The following MUC12 variants were observed in gnomAD, a reference collection of about 807,000 sequenced individuals.
The protein encoded by MUC12 is mucin 12, cell surface associated, also known as mucin-12.
Under a neutral mutation model 230.8 loss-of-function variants are expected in MUC12, and 172 were observed. That is an observed-to-expected ratio of 0.75 (90% CI 0.66 to 0.85). The LOEUF is 0.85. Ranked by LOEUF, MUC12 falls within the 40% of genes least tolerant of loss-of-function variation. MUC12 has a pLI of 0.00. For missense variants in MUC12, 3,506 were observed against 5,920.6 expected (o/e 0.59, Z 13.38); for synonymous variants, 1,259 against 2,401.9 (o/e 0.52, Z 13.91).
chr7:100,970,959 T>C (rs980515799), intron 1 of MUC12, among the ~76,000 whole-genome samples: 2 of 151,046 alleles, frequency 1.3e-5, no homozygotes, highest in African/African-American at 2.4e-5. Context: ...ATCGCGCCAC[T>C]GCACTCCAAC....
intron 11 of MUC12, 91 bp from the exon 12 acceptor site, chr7:101,018,504 C>G: frequency 8.3e-7 from 1 of 1,208,728 alleles, no homozygotes; most frequent in Non-Finnish European, 1.1e-6. Flanking sequence ...CCTGGGGTTC[C>G]CTCCTCCCCG....
At chr7:100,987,742 G>A (rs1210841128) in intron 1 of MUC12, among the ~76,000 whole-genome samples, 2 of 152,080 alleles carry the variant, frequency 1.3e-5, no homozygotes, top group South Asian at 2.1e-4. Flanking sequence ...GGAGGCCGAG[G>A]TGAGCAGGTC....
rs1793457469 is a variant in MUC12, at chr7:100,995,566, G to T, written c.5003G>T (p.Gly1668Val). The T allele has an allele frequency of 1.3e-6, 2 of 1,536,266 alleles. No homozygotes were observed. Among genetic ancestry groups the T allele is most frequent in the South Asian group, 1.2e-5 (1 of 84,016 alleles). ...TCTACGCCCGTCCACAGCAGCACTG[G>T]ATCGCCACACACAACACTGTCCCCT... is the stretch of plus-strand genomic sequence containing the variant. ...EASTPVHSSTGSPHTTLSPAG... is the reference protein window; with the variant it reads ...EASTPVHSSTVSPHTTLSPAG... The change falls in exon 2 of 12, where the codon GGA becomes GTA. Residue 1668 changes from glycine (G) to valine (V), a missense_variant. Coordinates refer to ENST00000536621, the MANE Select transcript of MUC12 (RefSeq NM_001164462.2).
At position 100,991,888 on chromosome 7, in the gene MUC12, G is replaced by T; in HGVS notation, c.1325G>T (p.Ser442Ile). Reference sequence around the variant, plus strand: ...AGTGAGGAATCAAAAGCATCCCACAGCAGCCCAGATGCAATGGCAACAACA... The same window carrying T: ...AGTGAGGAATCAAAAGCATCCCACATCAGCCCAGATGCAATGGCAACAACA... ...GRSEESKASH[S>I]SPDAMATTVL... Residue 442 changes from serine (S) to isoleucine (I), a missense_variant, in exon 2 of 12, where the codon AGC becomes ATC. Transcript: ENST00000536621. The T allele has an allele frequency of 6.5e-7, 1 of 1,537,994 alleles. No individual in the cohort carries two copies. The highest frequency in any genetic ancestry group is 1.4e-5 in the African/African-American group (1 of 73,170).
In MUC12 at chr7:100,990,758, A is replaced by G; in HGVS notation, c.195A>G (p.Thr65=). 1 of 1,537,896 alleles carries G rather than the reference A, an allele frequency of 6.5e-7. No individual in the cohort carries two copies. The highest frequency in any genetic ancestry group is 8.7e-7 in the Non-Finnish European group (1 of 1,147,054). The change falls in exon 2 of 12, where the codon ACA becomes ACG. Residue 65 remains threonine, a synonymous_variant. Transcript: ENST00000536621. ...CATTTATCACGGGCTCAACTGCAAC[A>G]AAACACTTCCTTGACAGCTCCACAA... ...SVTFITGSTA[T]KHFLDSSTNS...
At chr7:101,010,471 G>A (rs1001870192) in intron 5 of MUC12, among the ~76,000 whole-genome samples, 2 of 152,052 alleles carry the variant, frequency 1.3e-5, no homozygotes, top group African/African-American at 4.8e-5. Context: ...CGAGTAGCTG[G>A]GACTACAGGC....
chr7:100,982,927 A>C (rs1296694664), intron 1 of MUC12, among the ~76,000 whole-genome samples: 1 of 150,978 alleles, frequency 6.6e-6, no homozygotes, highest in Non-Finnish European at 1.5e-5. Flanking sequence ...TAAAGACAGG[A>C]TCTTGATATG....
rs1180368093 is a variant in MUC12 at position 100,969,577 on chromosome 7, C to T, written c.-46C>T. The T allele has an allele frequency of 3.9e-6, 6 of 1,537,332 alleles. No individual in the cohort carries two copies. The highest frequency in any genetic ancestry group is 3.6e-5 in the South Asian group (3 of 84,062). The stretch of plus-strand genomic sequence containing the variant: ...CTGGGAGGCCTTCATTTCTTGGTCC[C>T]TCCTGATGAGAGAAGATGGGCAGCC... On this transcript the variant is annotated 5_prime_UTR_variant, in exon 1 of 12. Transcript: ENST00000536621.
In MUC12 at chr7:101,004,965, C is replaced by G. The variant is rs982931089; in HGVS notation, c.14402C>G (p.Pro4801Arg). 12 of 1,537,676 alleles carry G rather than the reference C, an allele frequency of 7.8e-6. No homozygotes were observed. In the African/African-American group the frequency reaches 1.4e-4, roughly 18 times the overall value. The change falls in exon 2 of 12, where the codon CCA (proline) becomes CGA (arginine). Residue 4801 changes from proline to arginine, a missense_variant. By Grantham distance (103) the Pro-to-Arg change is moderately radical. Coordinates refer to ENST00000536621, the MANE Select transcript of MUC12 (RefSeq NM_001164462.2). The part of the protein sequence containing the change: ...SQESTTFHSK[P>R]GSTETTLSPG... ...GAATCAACAACTTTCCACAGTAAGC[C>G]AGGCTCAACTGAGACAACACTGTCC... is the stretch of plus-strand genomic sequence containing the variant.
At chr7:100,983,903 G>C (rs1283650085) in intron 1 of MUC12, among the ~76,000 whole-genome samples, 1 of 152,066 alleles carries the variant, frequency 6.6e-6, no homozygotes, top group Non-Finnish European at 1.5e-5. Flanking sequence ...AAAGAAGAAG[G>C]AAAAAATGAC....
At chr7:101,009,675 GA>G (rs1046857752) in intron 5 of MUC12, among the ~76,000 whole-genome samples, 1 of 150,764 alleles carries the variant, frequency 6.6e-6, no homozygotes, top group Non-Finnish European at 1.5e-5. Flanking sequence ...TCTACAAAAA[GA>G]AAAAAAAATG....
Position 101,018,590 on chromosome 7 carries a change from C to T in MUC12, c.15967-5C>T, listed in dbSNP as rs1454176679. ...TGGCCTCACCTCTTCTCTCCCGTCCCCCAGCTCCACATCCAGAGGCCGGAG... is the reference window on the plus strand; with the variant it reads ...TGGCCTCACCTCTTCTCTCCCGTCCTCCAGCTCCACATCCAGAGGCCGGAG... On this transcript the variant is annotated splice_region_variant and splice_polypyrimidine_tract_variant and intron_variant, in intron 11 of 11. Transcript: ENST00000536621. The T allele has an allele frequency of 2.0e-6, 3 of 1,536,178 alleles. No homozygotes were observed. The highest frequency in any genetic ancestry group is 2.6e-6 in the Non-Finnish European group (3 of 1,146,318).
chr7:100,990,075 C>T (rs1031057846), intron 1 of MUC12, among the ~76,000 whole-genome samples: 7 of 152,202 alleles, frequency 4.6e-5, no homozygotes, highest in African/African-American at 1.2e-4. Context: ...TGGTTATATT[C>T]CACAGAAGGC....
intron 4 of MUC12, 137 bp from the exon 5 acceptor site, chr7:101,008,958 C>A: frequency 8.0e-7 from 1 of 1,248,606 alleles, no homozygotes; most frequent in Non-Finnish European, 1.1e-6. Flanking sequence ...GCAGAGGGAG[C>A]TTCCTGGGTT....
Position 101,003,708 on chromosome 7 carries a change from C to T in MUC12, c.13145C>T (p.Thr4382Ile). ...ACATTGGGCCGTAGTGAGGAATCGACAACAGTCCACAGCAGCCCAGTTGCA... is the reference window on the plus strand; with the variant it reads ...ACATTGGGCCGTAGTGAGGAATCGATAACAGTCCACAGCAGCCCAGTTGCA... ...STTLGRSEES[T>I]TVHSSPVATA... The change falls in exon 2 of 12, where the codon ACA (threonine) becomes ATA (isoleucine). Residue 4382 changes from threonine to isoleucine, a missense_variant. By Grantham distance (89) the Thr-to-Ile change is moderately conservative. Transcript: ENST00000536621. The T allele has an allele frequency of 1.4e-6, 2 of 1,449,318 alleles. No homozygotes were observed. The highest frequency in any genetic ancestry group is 1.8e-6 in the Non-Finnish European group (2 of 1,101,298). 89.8% of individuals were successfully genotyped at this position (1,449,318 alleles called of 1,614,324 possible). A position where few individuals can be genotyped will look rare whatever the true frequency, so the allele number is the denominator to read the frequency against.
At chr7:100,973,186 A>C (rs1305991988) in intron 1 of MUC12, 14 of 606,110 alleles carry the variant, frequency 2.3e-5, no homozygotes, top group South Asian at 1.8e-4. Context: ...ACCCAAAGCT[A>C]TCCTGGGAGG....
intron 8 of MUC12, 32 bp from the exon 9 acceptor site, chr7:101,013,881 G>A: frequency 6.6e-7 from 1 of 1,515,710 alleles, no homozygotes; most frequent in Non-Finnish European, 8.8e-7. Flanking sequence ...AGGGATCCCA[G>A]GGGATCAGCG....
intron 1 of MUC12, among the ~76,000 whole-genome samples, chr7:100,984,177 G>A (rs1050398819): frequency 7.2e-5 from 11 of 151,952 alleles, no homozygotes; most frequent in Admixed American, 2.0e-4. Flanking sequence ...AGTTTGTTAC[G>A]TATAGTATTA....
In MUC12 at chr7:101,012,393, G is replaced by T. The variant is rs1793851589; in HGVS notation, c.15349G>T (p.Ala5117Ser). 2.0e-6 allele frequency: 3 copies of T among 1,537,768 alleles called. No homozygotes were observed. Among genetic ancestry groups the T allele is most frequent in the Non-Finnish European group, 2.6e-6 (3 of 1,147,036 alleles). ...LFENLAEIVK[A>S]KIMNETRTTL... ...TGAAAACCTGGCAGAGATTGTAAAG[G>T]CCAAGATTATGAATGAAACTAGAAC... Residue 5117 changes from alanine to serine, a missense_variant, in exon 6 of 12, where the codon GCC becomes TCC. Ala to Ser is a moderately conservative substitution (Grantham distance 99). Coordinates refer to ENST00000536621, the MANE Select transcript of MUC12 (RefSeq NM_001164462.2).
Sources: gnomAD v4.1 joint callset for allele counts (sites outside exome capture counted in the v4.1 genomes callset) on GRCh38, gnomAD v4.1.1 for gene constraint, MANE v1.5 for transcripts, NCBI Gene and HGNC (gene_info 2026-07-23, HGNC 2026-07-21) for gene names.